ZNF888: variants seen among roughly 807,000 people sequenced by gnomAD.
ZNF888 encodes CTD-2331H12.6.
Under a neutral mutation model 7.2 loss-of-function variants are expected in ZNF888, and 5 were observed. The ratio of observed to expected loss-of-function variants is 0.70; its 90% CI spans 0.36 to 1.46. The LOEUF is 1.46. ZNF888 is among the 40% of genes most tolerant of loss of function. The pLI is 0.03. For synonymous variants in ZNF888, 240 were observed against 284.3 expected (o/e 0.84, Z 1.57); for missense variants, 716 against 858.0 (o/e 0.83, Z 2.07).
At chr19:52,916,311 A>G (rs935296643) in intron 3 of ZNF888, among the ~76,000 whole-genome samples, 7 of 152,250 alleles carry the variant, frequency 4.6e-5, no homozygotes, top group African/African-American at 1.7e-4. Flanking sequence ...CCGTCTCAAA[A>G]TAAAATAAAA....
chr19:52,918,041 A>AT, intron 2 of ZNF888, 110 bp from the exon 3 acceptor site: 1 of 1,473,306 alleles, frequency 6.8e-7, no homozygotes, highest in Non-Finnish European at 9.0e-7. Context: ...ACCCTGGGAA[A>AT]TATGGTCCAC....
chr19:52,912,074 A>G (rs953058988), intron 4 of ZNF888, among the ~76,000 whole-genome samples: 6 of 150,742 alleles, frequency 4.0e-5, no homozygotes, highest in African/African-American at 1.5e-4. Context: ...CGGCCTCCCA[A>G]AGTGCTGGGC....
rs1223193650 is a variant in ZNF888 at position 52,918,844 on chromosome 19, T to A, written c.-84A>T. The A allele has an allele frequency of 6.6e-6, 1 of 152,054 alleles. No homozygotes were observed. The highest frequency in any genetic ancestry group is 1.5e-5 in the Non-Finnish European group (1 of 68,116). The allele number at this position is 152,054 out of a possible 1,614,324, so 9.4% of individuals were successfully genotyped here. A position where few individuals can be genotyped will look rare whatever the true frequency, so the allele number is the denominator to read the frequency against. ...CTGTAATCTCAGCTACTTGGGAGGT[T>A]GAGGCACAAGAATCACTTGAACCCA... On this transcript the variant is annotated 5_prime_UTR_variant, in exon 2 of 5. Transcript: ENST00000638862.
chr19:52,909,800 A>G (rs2064655310), intron 4 of ZNF888, among the ~76,000 whole-genome samples: 1 of 152,218 alleles, frequency 6.6e-6, no homozygotes, highest in South Asian at 2.1e-4. Context: ...ATAAGAACAG[A>G]AATACATGTT....
At chr19:52,909,941 C>T (rs1434251711) in intron 4 of ZNF888, among the ~76,000 whole-genome samples, 2 of 152,036 alleles carry the variant, frequency 1.3e-5, no homozygotes, top group African/African-American at 2.4e-5. Context: ...GCGGGTGGAT[C>T]ACCCAAGGTC....
intron 4 of ZNF888, among the ~76,000 whole-genome samples, chr19:52,914,726 G>A (rs1043601340): frequency 2.0e-5 from 3 of 152,168 alleles, no homozygotes; most frequent in African/African-American, 7.2e-5. Context: ...GAGTGCAGTG[G>A]TGTGTTCTCG....
rs1366575321 is a variant in ZNF888, at chr19:52,905,473, T to A, written c.*692A>T. 5.9e-6 allele frequency: 1 copy of A among 168,306 alleles called. No individual in the cohort carries two copies. The highest frequency in any genetic ancestry group is 1.3e-5 in the Non-Finnish European group (1 of 77,944). The allele number at this position is 168,306 out of a possible 1,614,324, so 10.4% of individuals were successfully genotyped here. On this transcript the variant is annotated 3_prime_UTR_variant, in exon 5 of 5. Transcript: ENST00000638862. ...AAAAAAAAAAATCTGTATCTGTTTTTGTTAAAGAAACAAAAAACAGGCTGG... is the reference window on the plus strand; with the variant it reads ...AAAAAAAAAAATCTGTATCTGTTTTAGTTAAAGAAACAAAAAACAGGCTGG...
Position 52,906,046 on chromosome 19 carries a change from G to A in ZNF888, c.*119C>T. On this transcript the variant is annotated 3_prime_UTR_variant, in exon 5 of 5. Transcript: ENST00000638862. The stretch of plus-strand genomic sequence containing the variant: ...AGTTCACCCATGAACTACAGCGTAT[G>A]AACGATGTCTGAAAAATTTGCCACA... The A allele has an allele frequency of 7.0e-7, 1 of 1,425,724 alleles. No individual in the cohort carries two copies. The highest frequency in any genetic ancestry group is 1.7e-5 in the Admixed American group (1 of 59,264). 88.3% of individuals were successfully genotyped at this position (1,425,724 alleles called of 1,614,324 possible). A position where few individuals can be genotyped will look rare whatever the true frequency, so the allele number is the denominator to read the frequency against.
At chr19:52,911,826 TA>T (rs1432703000) in intron 4 of ZNF888, among the ~76,000 whole-genome samples, 1 of 151,074 alleles carries the variant, frequency 6.6e-6, no homozygotes, top group Non-Finnish European at 1.5e-5. Flanking sequence ...TATTTATTTT[TA>T]TTTTTTTAAG....
At chr19:52,913,733 G>A (rs1027135898) in intron 4 of ZNF888, 29 of 984,390 alleles carry the variant, frequency 2.9e-5, no homozygotes, top group East Asian at 2.3e-4. Flanking sequence ...TCACTTCTGC[G>A]TACTGAAAGG....
In ZNF888 at chr19:52,920,839, C is replaced by T. The variant is rs562748174; in HGVS notation, c.-177-1902G>A. Among the ~76,000 whole-genome samples, 3 of 58,782 alleles carry T rather than the reference C, an allele frequency of 5.1e-5. 1 individual carries two copies. Among genetic ancestry groups the T allele is most frequent in the East Asian group, 3.6e-4 (1 of 2,742 alleles). 38.6% of individuals were successfully genotyped at this position (58,782 alleles called of 152,430 possible). A position where few individuals can be genotyped will look rare whatever the true frequency, so the allele number is the denominator to read the frequency against. On this transcript the variant is annotated intron_variant, in intron 1 of 4. Coordinates refer to ENST00000638862, the MANE Select transcript of ZNF888 (RefSeq NM_001393938.1). ...CCCTAAAATGTATAAAACCAAGCTGCGCCCCGACCACCTTGGGCATGTGTT... is the reference window on the plus strand; with the variant it reads ...CCCTAAAATGTATAAAACCAAGCTGTGCCCCGACCACCTTGGGCATGTGTT...
At chr19:52,923,226 G>C (rs1015275489) in intron 1 of ZNF888, 143 bp downstream of exon 1, 25 of 920,358 alleles carry the variant, frequency 2.7e-5, no homozygotes, top group Non-Finnish European at 3.1e-5. Flanking sequence ...GTGACTTCCG[G>C]ACTCCTAGGG....
At position 52,920,840 on chromosome 19, in the gene ZNF888, G is replaced by A. The variant is rs2064816462; in HGVS notation, c.-177-1903C>T. ...CCTAAAATGTATAAAACCAAGCTGC[G>A]CCCCGACCACCTTGGGCATGTGTTC... On this transcript the variant is annotated intron_variant, in intron 1 of 4. Transcript: ENST00000638862. 3.6e-5 allele frequency among the ~76,000 whole-genome samples: 2 copies of A among 55,318 alleles called. 1 individual carries two copies. Among genetic ancestry groups the A allele is most frequent in the Admixed American group, 5.6e-4 (2 of 3,596 alleles). The allele number at this position is 55,318 out of a possible 152,430, so 36.3% of individuals were successfully genotyped here. A position where few individuals can be genotyped will look rare whatever the true frequency, so the allele number is the denominator to read the frequency against.
Position 52,906,668 on chromosome 19 carries a change from A to G in ZNF888, c.1654T>C (p.Cys552Arg). ...TTAAAACTTTTGCCACATTCATTAC[A>G]CTTGTAACGTTTCTCTCCAGTATGA... is the stretch of plus-strand genomic sequence containing the variant. The part of the protein sequence containing the change: ...VIHTGEKRYK[C>R]NECGKSFNHK... The change falls in exon 5 of 5, where the codon TGT (cysteine) becomes CGT (arginine). Residue 552 changes from cysteine (C) to arginine (R), a missense_variant. Cys to Arg is a radical substitution (Grantham distance 180). This residue lies in a region of ZNF888 where 697 missense variants were observed against 803.4 expected (regional missense o/e 0.87). Transcript: ENST00000638862. 6.2e-7 allele frequency: 1 copy of G among 1,613,928 alleles called. No homozygotes were observed. The highest frequency in any genetic ancestry group is 8.5e-7 in the Non-Finnish European group (1 of 1,179,870).
At chr19:52,916,643 G>GTAT (rs2064755120) in intron 3 of ZNF888, among the ~76,000 whole-genome samples, 2 of 87,952 alleles carry the variant, frequency 2.3e-5, no homozygotes, top group African/African-American at 7.4e-5. Context: ...TATATATATA[G>GTAT]GTTTTAAATA....
At chr19:52,922,316 T>C (rs1253884562) in intron 1 of ZNF888, among the ~76,000 whole-genome samples, 3 of 152,002 alleles carry the variant, frequency 2.0e-5, no homozygotes, top group South Asian at 2.1e-4. Flanking sequence ...TATACCCCCC[T>C]GGCCCCACTC....
Position 52,917,840 on chromosome 19 carries a change from A to G in ZNF888, c.15+19T>C, listed in dbSNP as rs1264753241. 1.2e-6 allele frequency: 2 copies of G among 1,613,432 alleles called. No individual in the cohort carries two copies. The highest frequency in any genetic ancestry group is 1.3e-5 in the African/African-American group (1 of 74,934). ...TGAAAGGAAGGAGACAGAACAATCC[A>G]CAGAGAATATCATCTCACCTGAGGA... On this transcript the variant is annotated intron_variant, in intron 3 of 4. Coordinates refer to ENST00000638862, the MANE Select transcript of ZNF888 (RefSeq NM_001393938.1).
At chr19:52,922,212 T>C (rs10420210) in intron 1 of ZNF888, among the ~76,000 whole-genome samples, 5,019 of 151,864 alleles carry the variant, frequency 0.033, 258 homozygotes, top group African/African-American at 0.11. Flanking sequence ...GTTGCTCCTT[T>C]TCCCCAATCT....
intron 4 of ZNF888, among the ~76,000 whole-genome samples, chr19:52,911,361 C>T (rs1368454557): frequency 2.1e-5 from 3 of 144,554 alleles, no homozygotes; most frequent in East Asian, 2.1e-4. Context: ...TTTTTTGAGA[C>T]GGAGTCTTGC....
Sources: allele counts gnomAD v4.1 joint callset (sites outside exome capture counted in the v4.1 genomes callset), GRCh38; gene constraint gnomAD v4.1.1; regional missense constraint gnomAD v4.1.1; transcripts MANE v1.5; gene names NCBI Gene and HGNC (gene_info 2026-07-23, HGNC 2026-07-21).